CDKAL1: variants seen among roughly 807,000 people sequenced by gnomAD.
CDKAL1 encodes the protein CDKAL1 threonylcarbamoyladenosine tRNA methylthiotransferase, also known as threonylcarbamoyladenosine tRNA methylthiotransferase.
Under a neutral mutation model 68.2 loss-of-function variants are expected in CDKAL1, and 32 were observed. The observed-to-expected ratio is 0.47, with a 90% CI of 0.35 to 0.63. The LOEUF (loss-of-function observed/expected upper bound fraction) is 0.63. CDKAL1 is among the 30% of genes least tolerant of loss of function. CDKAL1 has a pLI of 0.00. For missense variants in CDKAL1, 606 were observed against 696.7 expected, an observed-to-expected ratio of 0.87 and a Z score of 1.47; for synonymous variants, 234 against 244.3, an observed-to-expected ratio of 0.96 and a Z score of 0.39.
intron 10 of CDKAL1, among the ~76,000 whole-genome samples, chr6:20,999,120 A>G (rs1767283536): frequency 6.6e-6 from 1 of 152,230 alleles, no homozygotes; most frequent in South Asian, 2.1e-4. Context: ...TTTGAAAACT[A>G]AGAATCACTG....
At chr6:20,586,348 G>C (rs1765354553) in intron 4 of CDKAL1, among the ~76,000 whole-genome samples, 1 of 152,100 alleles carries the variant, frequency 6.6e-6, no homozygotes, top group South Asian at 2.1e-4. Context: ...AAAAATGGAA[G>C]TGCTCGGCCA....
chr6:20,601,178 A>G (rs12204865), intron 4 of CDKAL1, among the ~76,000 whole-genome samples: 8,061 of 152,200 alleles, frequency 0.053, 231 homozygotes, highest in Middle Eastern at 0.078. Flanking sequence ...CATGATTATA[A>G]AAGTCTCAAT....
At chr6:20,716,873 G>A (rs1014310116) in intron 5 of CDKAL1, among the ~76,000 whole-genome samples, 1 of 152,076 alleles carries the variant, frequency 6.6e-6, no homozygotes, top group Non-Finnish European at 1.5e-5. Context: ...GAGAATGTGG[G>A]AAGGCAGAGA....
chr6:20,892,952 A>G (rs557122778), intron 9 of CDKAL1, among the ~76,000 whole-genome samples: 2 of 152,328 alleles, frequency 1.3e-5, no homozygotes, highest in South Asian at 4.1e-4. Flanking sequence ...ACAGGTTCAC[A>G]AAGGTCACTT....
chr6:20,557,041 CAAAAA>C (rs199509135), intron 4 of CDKAL1, among the ~76,000 whole-genome samples: 13,747 of 120,914 alleles, frequency 0.11, 1,013 homozygotes, highest in African/African-American at 0.16. Flanking sequence ...GTCTCCATCT[CAAAAA>C]AAAAAAATAA....
chr6:21,069,804 T>TTTAAAA (rs60342057), intron 12 of CDKAL1, among the ~76,000 whole-genome samples: 909 of 85,424 alleles, frequency 0.011, 70 homozygotes, highest in East Asian at 0.015. Flanking sequence ...TTTTTTTTTT[T>TTTAAAA]AAAACAGAGC....
At chr6:20,719,085 ACAGT>A (rs1772225497) in intron 5 of CDKAL1, among the ~76,000 whole-genome samples, 1 of 152,174 alleles carries the variant, frequency 6.6e-6, no homozygotes, top group Non-Finnish European at 1.5e-5. Flanking sequence ...AGGTCTCTGG[ACAGT>A]CAGTGTGTAG....
intron 15 of CDKAL1, among the ~76,000 whole-genome samples, chr6:21,213,476 T>C (rs920904794): frequency 6.6e-6 from 1 of 152,200 alleles, no homozygotes; most frequent in African/African-American, 2.4e-5. Context: ...ATACAGTCTT[T>C]ATAAGCAGCA....
intron 12 of CDKAL1, among the ~76,000 whole-genome samples, chr6:21,106,337 C>T (rs958854708): frequency 2.0e-5 from 3 of 152,128 alleles, no homozygotes; most frequent in African/African-American, 4.8e-5. Flanking sequence ...AGTAAATTTC[C>T]GAACAATATA....
At chr6:20,701,576 G>A (rs1771361555) in intron 5 of CDKAL1, among the ~76,000 whole-genome samples, 2 of 152,086 alleles carry the variant, frequency 1.3e-5, no homozygotes, top group South Asian at 4.2e-4. Context: ...GGATGCTTGT[G>A]GAACCTTTAT....
intron 2 of CDKAL1, among the ~76,000 whole-genome samples, chr6:20,538,273 A>C (rs1763257100): frequency 6.6e-6 from 1 of 150,724 alleles, no homozygotes; most frequent in Non-Finnish European, 1.5e-5. Flanking sequence ...TTCTTAAGTG[A>C]ACTGCCTGTT....
intron 11 of CDKAL1, among the ~76,000 whole-genome samples, chr6:21,048,734 C>T (rs1179444557): frequency 1.3e-5 from 2 of 151,628 alleles, no homozygotes; most frequent in Non-Finnish European, 2.9e-5. Context: ...TTATTCTTCC[C>T]GAGACCTGAT....
intron 13 of CDKAL1, among the ~76,000 whole-genome samples, chr6:21,194,654 C>A (rs1407574801): frequency 1.3e-5 from 2 of 152,200 alleles, no homozygotes; most frequent in African/African-American, 4.8e-5. Context: ...TCTTTAACCA[C>A]ACACGGCTAC....
At chr6:21,140,628 A>G (rs1040061639) in intron 13 of CDKAL1, among the ~76,000 whole-genome samples, 2 of 152,184 alleles carry the variant, frequency 1.3e-5, no homozygotes, top group Non-Finnish European at 2.9e-5. Context: ...TGCTACTGGC[A>G]TTACGCTCCC....
chr6:20,754,583 C>T (rs557213005), intron 6 of CDKAL1, among the ~76,000 whole-genome samples: 116 of 152,190 alleles, frequency 7.6e-4, no homozygotes, highest in African/African-American at 2.6e-3. Context: ...ATTTATTGGC[C>T]ATAAGTATAT....
At chr6:21,029,177 A>G (rs1769125792) in intron 11 of CDKAL1, among the ~76,000 whole-genome samples, 1 of 152,148 alleles carries the variant, frequency 6.6e-6, no homozygotes, top group African/African-American at 2.4e-5. Flanking sequence ...CCTCCTGAGT[A>G]GCTGGGACTA....
At chr6:20,681,682 A>G (rs1581375130) in intron 5 of CDKAL1, among the ~76,000 whole-genome samples, 1 of 152,132 alleles carries the variant, frequency 6.6e-6, no homozygotes, top group Admixed American at 6.5e-5. Context: ...TGGCAGCAGG[A>G]AAGCACTTGT....
intron 12 of CDKAL1, among the ~76,000 whole-genome samples, chr6:21,096,818 T>G (rs1488993692): frequency 6.6e-6 from 1 of 152,224 alleles, no homozygotes; most frequent in African/African-American, 2.4e-5. Context: ...AGCAGCGAGT[T>G]TGTTGCCCCA....
chr6:20,935,137 G>A (rs567991366), intron 9 of CDKAL1, among the ~76,000 whole-genome samples: 2 of 152,072 alleles, frequency 1.3e-5, no homozygotes, highest in South Asian at 2.1e-4. Flanking sequence ...CTCAAGATCC[G>A]CCTGCCTTGG....
Sources: gnomAD v4.1 joint callset for allele counts (sites outside exome capture counted in the v4.1 genomes callset) on GRCh38, gnomAD v4.1.1 for gene constraint, MANE v1.5 for transcripts, NCBI Gene and HGNC (gene_info 2026-07-23, HGNC 2026-07-21) for gene names.